Variants in TRABD2B observed in about 807,000 individuals in gnomAD.
The protein encoded by TRABD2B is metalloprotease TIKI2.
Under a neutral mutation model 40.1 loss-of-function variants are expected in TRABD2B, and 14 were observed. That is an observed-to-expected ratio of 0.35 (90% confidence interval 0.23 to 0.55). The LOEUF (loss-of-function observed/expected upper bound fraction) is 0.55. Among genes scored for constraint, TRABD2B ranks in the 20% least tolerant of loss-of-function variants. The pLI, the probability that TRABD2B is intolerant of heterozygous loss-of-function variation, is 0.90. For missense variants in TRABD2B, 541 were observed against 648.6 expected, an observed-to-expected ratio of 0.83 and a Z score of 1.80; for synonymous variants, 263 against 277.0, an observed-to-expected ratio of 0.95 and a Z score of 0.50.
chr1:47,857,049 T>G (rs1328621088), intron 2 of TRABD2B, among the ~76,000 whole-genome samples: 1 of 152,256 alleles, frequency 6.6e-6, no homozygotes, highest in Non-Finnish European at 1.5e-5. Flanking sequence ...GCAGTAGCAC[T>G]GCCTTCGGTC....
chr1:47,983,578 C>T (rs1429209917), intron 2 of TRABD2B, among the ~76,000 whole-genome samples: 2 of 151,994 alleles, frequency 1.3e-5, no homozygotes. Flanking sequence ...ATCCTGTGAC[C>T]AATCCACAGC....
chr1:47,904,452 A>G (rs1644648783), intron 2 of TRABD2B, among the ~76,000 whole-genome samples: 1 of 152,220 alleles, frequency 6.6e-6, no homozygotes, highest in African/African-American at 2.4e-5. Context: ...TCAACCCCTG[A>G]TGGAAACCAT....
chr1:47,783,044 G>A (rs1644547337), intron 4 of TRABD2B, among the ~76,000 whole-genome samples: 2 of 152,238 alleles, frequency 1.3e-5, no homozygotes, highest in South Asian at 4.2e-4. Flanking sequence ...GGGTGGGGGG[G>A]TTGCGGCACA....
chr1:47,842,182 T>C (rs977017157), intron 2 of TRABD2B, among the ~76,000 whole-genome samples: 1 of 152,216 alleles, frequency 6.6e-6, no homozygotes, highest in African/African-American at 2.4e-5. Flanking sequence ...TGATTTTAGC[T>C]TCCCTTTCTG....
intron 2 of TRABD2B, among the ~76,000 whole-genome samples, chr1:47,978,574 G>A (rs993372253): frequency 6.6e-6 from 1 of 152,002 alleles, no homozygotes; most frequent in Non-Finnish European, 1.5e-5. Flanking sequence ...CAGAATTTAG[G>A]TCAGCACACA....
At chr1:47,809,496 C>T (rs1225712342) in intron 2 of TRABD2B, among the ~76,000 whole-genome samples, 9 of 152,214 alleles carry the variant, frequency 5.9e-5, no homozygotes, top group Non-Finnish European at 1.0e-4. Flanking sequence ...GCCTGCTAGA[C>T]CCTGGGCCCA....
chr1:47,993,282 C>T (rs1184827984), intron 2 of TRABD2B, among the ~76,000 whole-genome samples: 1 of 152,172 alleles, frequency 6.6e-6, no homozygotes, highest in African/African-American at 2.4e-5. Flanking sequence ...TGACCTCTGC[C>T]CATGGAGAAG....
In TRABD2B at chr1:47,994,606, G is replaced by C; in HGVS notation, c.103-9C>G. The C allele has an allele frequency of 6.5e-7, 1 of 1,531,154 alleles. No homozygotes were observed. Among genetic ancestry groups the C allele is most frequent in the Non-Finnish European group, 8.7e-7 (1 of 1,144,228 alleles). 94.8% of individuals were successfully genotyped at this position (1,531,154 alleles called of 1,614,324 possible). On this transcript the variant is annotated splice_polypyrimidine_tract_variant and intron_variant, in intron 1 of 6. Coordinates refer to ENST00000606738, the MANE Select transcript of TRABD2B (RefSeq NM_001194986.2). The surrounding 1 kb of genome is among the most constrained non-coding windows in gnomAD (Gnocchi z 6.7). ...GAGTTCAAGTCCCTCTGCTGCAGGA[G>C]TAGAGAAGAGGCAAGGCAGTGAGGC... is the stretch of plus-strand genomic sequence containing the variant.
Position 47,996,737 on chromosome 1 carries a change from C to G in TRABD2B, c.53G>C (p.Arg18Pro). 2 of 1,225,290 alleles carry G rather than the reference C, an allele frequency of 1.6e-6. No homozygotes were observed. Among genetic ancestry groups the G allele is most frequent in the Non-Finnish European group, 2.0e-6 (2 of 983,154 alleles). 75.9% of individuals were successfully genotyped at this position (1,225,290 alleles called of 1,614,324 possible). A position where few individuals can be genotyped will look rare whatever the true frequency, so the allele number is the denominator to read the frequency against. ...PLLAALLATARARPQPPDGGQ... is the reference protein window; with the variant it reads ...PLLAALLATAPARPQPPDGGQ... ...TCCGTCCGGGGGCTGCGGGCGGGCG[C>G]GAGCGGTGGCGAGGAGGGCGGCGAG... is the stretch of plus-strand genomic sequence containing the variant. Residue 18 changes from arginine to proline, a missense_variant, in exon 1 of 7, where the codon CGC becomes CCC. Physicochemically the swap from Arg to Pro is moderately radical, Grantham distance 103. Coordinates refer to ENST00000606738, the MANE Select transcript of TRABD2B (RefSeq NM_001194986.2). This position sits in a 1 kb window ranked among gnomAD's most constrained non-coding sequence, Gnocchi z 4.6.
At chr1:47,842,742 T>C (rs957618983) in intron 2 of TRABD2B, among the ~76,000 whole-genome samples, 11 of 152,192 alleles carry the variant, frequency 7.2e-5, no homozygotes, top group Non-Finnish European at 1.3e-4. Flanking sequence ...AGAAACTGTT[T>C]ATGGCAGTGA....
chr1:47,940,001 C>T (rs1015493580), intron 2 of TRABD2B, among the ~76,000 whole-genome samples: 2 of 152,206 alleles, frequency 1.3e-5, no homozygotes, highest in Admixed American at 1.3e-4. Context: ...TCATGGAAGG[C>T]CCTTCACGAT....
intron 2 of TRABD2B, among the ~76,000 whole-genome samples, chr1:47,860,741 G>A (rs1252696679): frequency 6.6e-6 from 1 of 152,140 alleles, no homozygotes; most frequent in African/African-American, 2.4e-5. Context: ...AGAATAGCTT[G>A]GTGCCATTCT....
Position 47,785,416 on chromosome 1 carries a change from T to C in TRABD2B, c.989-6872A>G, listed in dbSNP as rs1644582404. 2.0e-5 allele frequency among the ~76,000 whole-genome samples: 3 copies of C among 152,238 alleles called. No individual in the cohort carries two copies. The South Asian group carries it at 6.2e-4, about 31-fold the overall frequency. ...GGGTGGAACCAGAGATTCTGCCTGC[T>C]TTAGCAGCCTTTACCAGCTGCTCCT... On this transcript the variant is annotated intron_variant, in intron 4 of 6. Transcript: ENST00000606738.
intron 2 of TRABD2B, among the ~76,000 whole-genome samples, chr1:47,828,720 T>C (rs1055556994): frequency 7.9e-5 from 12 of 152,250 alleles, no homozygotes; most frequent in Middle Eastern, 3.4e-3. Context: ...CTATTGTAGA[T>C]GGACTGAATT....
intron 2 of TRABD2B, among the ~76,000 whole-genome samples, chr1:47,955,459 C>T (rs975146847): frequency 2.4e-4 from 36 of 152,304 alleles, no homozygotes; most frequent in Non-Finnish European, 2.1e-4. Flanking sequence ...AGTGGCTCTT[C>T]ACCACCAGCT....
intron 2 of TRABD2B, among the ~76,000 whole-genome samples, chr1:47,966,173 G>T (rs573782654): frequency 1.3e-5 from 2 of 152,154 alleles, no homozygotes; most frequent in Non-Finnish European, 2.9e-5. Flanking sequence ...GTGTTATGAC[G>T]TCTGGAAGTG....
chr1:47,934,164 G>T (rs1433927697), intron 2 of TRABD2B, among the ~76,000 whole-genome samples: 1 of 152,230 alleles, frequency 6.6e-6, no homozygotes, highest in Non-Finnish European at 1.5e-5. Flanking sequence ...AGACAAGGAA[G>T]TTGAACCTTA....
chr1:47,781,180 C>T (rs915184198), intron 4 of TRABD2B, among the ~76,000 whole-genome samples: 1 of 152,196 alleles, frequency 6.6e-6, no homozygotes, highest in African/African-American at 2.4e-5. Flanking sequence ...GAACTCTCTG[C>T]AAGCGGCTCT....
chr1:47,848,019 C>T (rs767254603), intron 2 of TRABD2B, among the ~76,000 whole-genome samples: 10 of 152,204 alleles, frequency 6.6e-5, no homozygotes, highest in Middle Eastern at 3.2e-3. Flanking sequence ...TAAGAGACGT[C>T]TCTCTCCAGG....
Sources: gnomAD v4.1 joint callset for allele counts (sites outside exome capture counted in the v4.1 genomes callset) on GRCh38, gnomAD v4.1.1 for gene constraint, Gnocchi (gnomAD v3.1) non-coding constraint, MANE v1.5 for transcripts, NCBI Gene and HGNC (gene_info 2026-07-23, HGNC 2026-07-21) for gene names.